SPAG16: variants seen among roughly 807,000 people sequenced by gnomAD.
SPAG16 encodes sperm-associated antigen 16 protein.
Under a neutral mutation model 80.4 loss-of-function variants are expected in SPAG16, and 86 were observed. The observed-to-expected ratio is 1.07, with a 90% CI of 0.90 to 1.28. The LOEUF (loss-of-function observed/expected upper bound fraction) is 1.28. Among genes scored for constraint, SPAG16 ranks in the 50% most tolerant of loss-of-function variants. SPAG16 has a pLI of 0.00. For synonymous variants in SPAG16, 294 were observed against 265.9 expected, an observed-to-expected ratio of 1.11 and a Z score of -1.03; for missense variants, 870 against 765.3, an observed-to-expected ratio of 1.14 and a Z score of -1.61.
intron 10 of SPAG16, among the ~76,000 whole-genome samples, chr2:213,531,809 TC>T (rs2076078230): frequency 6.6e-6 from 1 of 152,192 alleles, no homozygotes; most frequent in Non-Finnish European, 1.5e-5. Context: ...TCCATTTTTT[TC>T]CTACACAATC....
chr2:213,878,343 T>G (rs948761014), intron 11 of SPAG16, among the ~76,000 whole-genome samples: 1 of 152,102 alleles, frequency 6.6e-6, no homozygotes, highest in African/African-American at 2.4e-5. Context: ...CCAATATTTA[T>G]TTTTTGACTT....
chr2:213,324,518 A>G (rs2063762559), intron 5 of SPAG16, among the ~76,000 whole-genome samples: 1 of 152,094 alleles, frequency 6.6e-6, no homozygotes, highest in Non-Finnish European at 1.5e-5. Flanking sequence ...ACAGTATATT[A>G]TTGTGTTTGG....
rs1427654977 is a variant in SPAG16 at position 214,143,960 on chromosome 2, C to T, written c.1594-5180C>T. On this transcript the variant is annotated intron_variant, in intron 14 of 15. Transcript: ENST00000331683. The stretch of plus-strand genomic sequence containing the variant: ...ATCACATGAGGCCACAGGTTTGAGA[C>T]CAGCCTGAGCAACATAGCAAGACCC... Among the ~76,000 whole-genome samples, 3 of 152,130 alleles carry T rather than the reference C, an allele frequency of 2.0e-5. No homozygotes were observed. In the East Asian group the frequency reaches 5.8e-4, roughly 29 times the overall value.
At chr2:214,000,904 T>C (rs911651491) in intron 12 of SPAG16, among the ~76,000 whole-genome samples, 5 of 152,194 alleles carry the variant, frequency 3.3e-5, no homozygotes, top group Admixed American at 6.5e-5. Flanking sequence ...GCCAGGCTTT[T>C]TCTCCTTTAT....
intron 12 of SPAG16, among the ~76,000 whole-genome samples, chr2:213,952,439 G>T (rs1386351815): frequency 1.3e-5 from 2 of 151,796 alleles, no homozygotes; most frequent in East Asian, 3.9e-4. Context: ...ATAAATAAAA[G>T]AATAAAATTA....
chr2:213,859,593 G>T (rs2075334071), intron 10 of SPAG16, among the ~76,000 whole-genome samples: 1 of 152,240 alleles, frequency 6.6e-6, no homozygotes, highest in East Asian at 1.9e-4. Flanking sequence ...GATATTTATA[G>T]TACACATAGA....
intron 10 of SPAG16, among the ~76,000 whole-genome samples, chr2:213,534,085 C>G (rs2076161382): frequency 6.6e-6 from 1 of 151,994 alleles, no homozygotes; most frequent in Non-Finnish European, 1.5e-5. Flanking sequence ...AGTTTTTAGC[C>G]ATTTTTTAAG....
At chr2:213,996,565 CTTT>C (rs57100155) in intron 12 of SPAG16, among the ~76,000 whole-genome samples, 6 of 116,988 alleles carry the variant, frequency 5.1e-5, no homozygotes, top group Admixed American at 8.8e-5. Context: ...TAATGCTATT[CTTT>C]TTTTTTTTTT....
intron 10 of SPAG16, among the ~76,000 whole-genome samples, chr2:213,502,775 C>T (rs2074798345): frequency 6.6e-6 from 1 of 152,166 alleles, no homozygotes; most frequent in African/African-American, 2.4e-5. Flanking sequence ...AGCAGTTGCC[C>T]ACTTTCCCAT....
At chr2:214,224,814 GAA>G (rs1271249143) in intron 15 of SPAG16, among the ~76,000 whole-genome samples, 1 of 152,098 alleles carries the variant, frequency 6.6e-6, no homozygotes, top group African/African-American at 2.4e-5. Flanking sequence ...CAACTTTCTA[GAA>G]ACAGAGTATG....
At chr2:214,358,109 T>C (rs563975310) in intron 15 of SPAG16, among the ~76,000 whole-genome samples, 2 of 151,956 alleles carry the variant, frequency 1.3e-5, no homozygotes, top group Non-Finnish European at 1.5e-5. Context: ...CTCCCAGAGC[T>C]GCAATATTCA....
intron 11 of SPAG16, among the ~76,000 whole-genome samples, chr2:213,908,654 T>C (rs1201048024): frequency 6.6e-6 from 1 of 152,132 alleles, no homozygotes; most frequent in Non-Finnish European, 1.5e-5. Flanking sequence ...TGATTCTAGA[T>C]TGCTAAACAA....
intron 10 of SPAG16, among the ~76,000 whole-genome samples, chr2:213,595,400 G>A (rs1443700197): frequency 6.6e-6 from 1 of 152,076 alleles, no homozygotes; most frequent in African/African-American, 2.4e-5. Context: ...GAAAAAGTTA[G>A]ACAAAGACAC....
At chr2:213,871,956 T>G (rs371580290) in intron 11 of SPAG16, among the ~76,000 whole-genome samples, 8 of 151,818 alleles carry the variant, frequency 5.3e-5, no homozygotes, top group African/African-American at 1.9e-4. Context: ...AATTTCAAAT[T>G]ATTTAAAATG....
chr2:214,377,241 T>C (rs1700182425), intron 15 of SPAG16, among the ~76,000 whole-genome samples: 1 of 152,214 alleles, frequency 6.6e-6, no homozygotes, highest in Non-Finnish European at 1.5e-5. Context: ...GTATTTTTCA[T>C]TGTGCTTTCT....
intron 9 of SPAG16, among the ~76,000 whole-genome samples, chr2:213,378,900 T>C (rs879584436): frequency 2.0e-5 from 3 of 152,144 alleles, no homozygotes; most frequent in Non-Finnish European, 4.4e-5. Context: ...TCCTAGTGGA[T>C]CTCCTGTAGT....
At chr2:214,346,383 T>C (rs1356578404) in intron 15 of SPAG16, among the ~76,000 whole-genome samples, 2 of 152,216 alleles carry the variant, frequency 1.3e-5, no homozygotes, top group Admixed American at 6.5e-5. Context: ...TTCTCTATTA[T>C]GAAGAATGCC....
At chr2:213,340,337 G>T in intron 6 of SPAG16, 67 bp downstream of exon 6, 1 of 1,147,368 alleles carries the variant, frequency 8.7e-7, no homozygotes, top group South Asian at 1.4e-5. Flanking sequence ...ATTTGATTAT[G>T]ACAAAGTTTT....
chr2:214,389,197 T>G (rs1460321296), intron 15 of SPAG16, among the ~76,000 whole-genome samples: 2 of 152,164 alleles, frequency 1.3e-5, no homozygotes, highest in East Asian at 3.9e-4. Context: ...CGGGAACCAG[T>G]TGATTGTGGC....
Sources: allele counts gnomAD v4.1 joint callset (sites outside exome capture counted in the v4.1 genomes callset), GRCh38; gene constraint gnomAD v4.1.1; transcripts MANE v1.5; gene names NCBI Gene and HGNC (gene_info 2026-07-23, HGNC 2026-07-21).